RPS6KC1: variants seen among roughly 807,000 people sequenced by gnomAD.
RPS6KC1 encodes ribosomal protein S6 kinase C1, also known as inactive ribosomal protein S6 kinase delta-1.
Under a neutral mutation model 103.8 loss-of-function variants are expected in RPS6KC1, and 54 were observed. That is an observed-to-expected ratio of 0.52 (90% CI 0.42 to 0.65). The LOEUF (loss-of-function observed/expected upper bound fraction) is 0.65, where lower values mean the gene tolerates loss of function less well. RPS6KC1 is among the 30% of genes least tolerant of loss of function. The probability of loss-of-function intolerance (pLI) is 0.00; values close to 1 mark genes in which losing one functional copy is unlikely to be tolerated. For missense variants in RPS6KC1, 1,151 were observed against 1,253.8 expected (o/e 0.92, Z 1.24); for synonymous variants, 439 against 438.7 (o/e 1.00, Z -0.01).
intron 12 of RPS6KC1, among the ~76,000 whole-genome samples, chr1:213,259,734 A>ATTTTTTTTTT (rs71147063): frequency 1.0e-5 from 1 of 97,918 alleles, no homozygotes. Flanking sequence ...TGTTTTTTTA[A>ATTTTTTTTTT]TTTTTTTTTT....
At position 213,113,172 on chromosome 1, in the gene RPS6KC1, C is replaced by T. The variant is rs1391933335; in HGVS notation, c.379-4145C>T. 2.6e-5 allele frequency among the ~76,000 whole-genome samples: 4 copies of T among 151,978 alleles called. No individual in the cohort carries two copies. In the East Asian group the frequency reaches 7.7e-4, roughly 29 times the overall value. On this transcript the variant is annotated intron_variant, in intron 4 of 14. Coordinates refer to ENST00000366960, the MANE Select transcript of RPS6KC1 (RefSeq NM_012424.6). ...CACAATGGTTGAACTAGTTTACAGT[C>T]CCACCAACAGTGTAAAAGTGTTCCT...
At chr1:213,307,795 A>G in the RPS6KC1 span, among the ~76,000 whole-genome samples, 1 of 152,188 alleles carries the variant, frequency 6.6e-6, no homozygotes, top group Non-Finnish European at 1.5e-5. Context: ...TACACTGCAC[A>G]GAGAGGGCCT....
At chr1:213,331,136 C>T in the RPS6KC1 span, among the ~76,000 whole-genome samples, 1 of 152,216 alleles carries the variant, frequency 6.6e-6, no homozygotes, top group Non-Finnish European at 1.5e-5. Context: ...TGCTAATGTG[C>T]TGGCACAGGA....
chr1:213,409,917 A>G, the RPS6KC1 span, among the ~76,000 whole-genome samples: 3 of 152,190 alleles, frequency 2.0e-5, no homozygotes, highest in Admixed American at 1.3e-4. Flanking sequence ...AATCCTAGCC[A>G]CTTGGGAGGC....
chr1:213,400,770 G>C, the RPS6KC1 span, among the ~76,000 whole-genome samples: 69 of 151,410 alleles, frequency 4.6e-4, 1 homozygote, highest in South Asian at 0.014. Context: ...GCAGTGGCGC[G>C]ATCTCGGCTC....
At chr1:213,403,601 C>T in the RPS6KC1 span, among the ~76,000 whole-genome samples, 1 of 152,110 alleles carries the variant, frequency 6.6e-6, no homozygotes, top group Non-Finnish European at 1.5e-5. Context: ...GAAATAGGTG[C>T]AGCTCCCCAT....
At position 213,068,140 on chromosome 1, in the gene RPS6KC1, G is replaced by T. The variant is rs554878775; in HGVS notation, c.106-2866G>T. ...GATCATGTGCTATTTTTGGGGGGTG[G>T]ATTATTAGTGGATTGGTTATCCATG... On this transcript the variant is annotated intron_variant, in intron 1 of 14. Coordinates refer to ENST00000366960, the MANE Select transcript of RPS6KC1 (RefSeq NM_012424.6). 5.2e-4 allele frequency among the ~76,000 whole-genome samples: 79 copies of T among 152,182 alleles called. 1 individual carries two copies. Among genetic ancestry groups the T allele is most frequent in the African/African-American group, 1.9e-3 (78 of 41,516 alleles).
At chr1:213,829,061 G>T in the RPS6KC1 span, among the ~76,000 whole-genome samples, 8 of 152,104 alleles carry the variant, frequency 5.3e-5, no homozygotes, top group Non-Finnish European at 1.2e-4. Flanking sequence ...CTGTTGCTGA[G>T]ATTAACACCT....
chr1:213,704,666 C>G, the RPS6KC1 span, among the ~76,000 whole-genome samples: 1 of 152,124 alleles, frequency 6.6e-6, no homozygotes, highest in South Asian at 2.1e-4. Context: ...TCGTGTTTTC[C>G]TAGATGGTCT....
the RPS6KC1 span, among the ~76,000 whole-genome samples, chr1:213,599,713 T>C: frequency 6.6e-6 from 1 of 152,212 alleles, no homozygotes; most frequent in African/African-American, 2.4e-5. Flanking sequence ...GTACCAATTG[T>C]GGCGTTTCTT....
the RPS6KC1 span, among the ~76,000 whole-genome samples, chr1:213,420,934 C>T: frequency 7.2e-5 from 11 of 152,226 alleles, no homozygotes; most frequent in African/African-American, 2.4e-4. Flanking sequence ...CTTCACACAG[C>T]GTTATCCCTG....
the RPS6KC1 span, among the ~76,000 whole-genome samples, chr1:213,858,450 G>C: frequency 3.7e-3 from 559 of 152,238 alleles, no homozygotes; most frequent in African/African-American, 0.012. Flanking sequence ...TCTGAGGCCA[G>C]TTGATGCAGC....
the RPS6KC1 span, among the ~76,000 whole-genome samples, chr1:213,635,361 T>C: frequency 6.6e-5 from 10 of 152,110 alleles, no homozygotes; most frequent in East Asian, 1.9e-3. Flanking sequence ...AACATCGATG[T>C]GAAAATCCTC....
At chr1:213,458,371 G>A in the RPS6KC1 span, among the ~76,000 whole-genome samples, 20,350 of 86,852 alleles carry the variant, frequency 0.23, 1,742 homozygotes, top group East Asian at 0.48. Flanking sequence ...TAGTGTAAAC[G>A]TAACACTTTT....
chr1:213,061,336 T>G lies in RPS6KC1; in HGVS notation c.106-9670T>G, dbSNP rs139678653. On this transcript the variant is annotated intron_variant, in intron 1 of 14. Transcript: ENST00000366960. ...CTATCTTATATGGGAGTTCTTTCAC[T>G]CCAGAGAACTAAAAATTATAAAATG... is the stretch of plus-strand genomic sequence containing the variant. Among the ~76,000 whole-genome samples, 7 of 152,256 alleles carry G rather than the reference T, an allele frequency of 4.6e-5. No homozygotes were observed. The East Asian group carries it at 1.3e-3, about 29-fold the overall frequency.
the RPS6KC1 span, among the ~76,000 whole-genome samples, chr1:213,383,173 C>T: frequency 1.5e-4 from 23 of 150,788 alleles, no homozygotes; most frequent in South Asian, 4.2e-4. Context: ...TGTGACCCTC[C>T]GCTACACTGA....
chr1:213,737,175 A>G, the RPS6KC1 span, among the ~76,000 whole-genome samples: 1 of 152,252 alleles, frequency 6.6e-6, no homozygotes, highest in African/African-American at 2.4e-5. Flanking sequence ...TAGGGGCAGA[A>G]TTCAGCCTCT....
intron 8 of RPS6KC1, among the ~76,000 whole-genome samples, chr1:213,219,185 A>G (rs1370349972): frequency 6.6e-6 from 1 of 152,234 alleles, no homozygotes; most frequent in African/African-American, 2.4e-5. Context: ...AACCCCATCA[A>G]CAAGTGGGTG....
intron 12 of RPS6KC1, among the ~76,000 whole-genome samples, chr1:213,251,177 G>T (rs2094539813): frequency 6.7e-6 from 1 of 150,236 alleles, no homozygotes; most frequent in Non-Finnish European, 1.5e-5. Flanking sequence ...TGTGATCTGG[G>T]CTCACTATAA....
Sources: allele counts gnomAD v4.1 joint callset (sites outside exome capture counted in the v4.1 genomes callset), GRCh38; gene constraint gnomAD v4.1.1; transcripts MANE v1.5; gene names NCBI Gene and HGNC (gene_info 2026-07-23, HGNC 2026-07-21).